NDRG1: variants seen among roughly 807,000 people sequenced by gnomAD.
NDRG1 encodes protein NDRG1.
A neutral mutation model predicts 56.9 loss-of-function variants in NDRG1; 32 were observed. The observed-to-expected ratio is 0.56, with a 90% confidence interval of 0.42 to 0.76. NDRG1 has a LOEUF of 0.76. Among genes scored for constraint, NDRG1 ranks in the 30% least tolerant of loss-of-function variants. NDRG1 has a pLI of 0.00. For missense variants in NDRG1, 507 were observed against 545.7 expected, an observed-to-expected ratio of 0.93 and a Z score of 0.71; for synonymous variants, 211 against 204.1, an observed-to-expected ratio of 1.03 and a Z score of -0.29.
At chr8:133,248,666 T>C (rs781085898) in intron 11 of NDRG1, 49 bp downstream of exon 11, 19 of 1,608,504 alleles carry the variant, frequency 1.2e-5, no homozygotes, top group Non-Finnish European at 3.4e-6. Context: ...GCCACCTTTA[T>C]AGTGGGCAGC....
chr8:133,272,816 T>C (rs748794772), intron 3 of NDRG1, among the ~76,000 whole-genome samples: 14 of 152,034 alleles, frequency 9.2e-5, no homozygotes. Flanking sequence ...TGGGAAATGG[T>C]GAGTTTAGGA....
intron 13 of NDRG1, 100 bp downstream of exon 13, chr8:133,246,516 T>C: frequency 8.5e-7 from 1 of 1,178,890 alleles, no homozygotes; most frequent in Non-Finnish European, 1.3e-6. Context: ...TAGTTTCTGA[T>C]CGTGTGCCTT....
At chr8:133,287,987 C>T (rs1480262392) in intron 1 of NDRG1, among the ~76,000 whole-genome samples, 1 of 151,970 alleles carries the variant, frequency 6.6e-6, no homozygotes, top group East Asian at 1.9e-4. Flanking sequence ...TCACACATTC[C>T]CTCACACTGA....
At position 133,238,691 on chromosome 8, in the gene NDRG1, C is replaced by T. The variant is rs1855198647; in HGVS notation, c.*187G>A. On this transcript the variant is annotated 3_prime_UTR_variant, in exon 16 of 16. Coordinates refer to ENST00000323851, the MANE Select transcript of NDRG1 (RefSeq NM_006096.4). ...GCTTCCTTCCTTTGGTCCACCGCCACCCCGCCTTTGGAGAGGGCACCCACG... is the reference window on the plus strand; with the variant it reads ...GCTTCCTTCCTTTGGTCCACCGCCATCCCGCCTTTGGAGAGGGCACCCACG... The T allele has an allele frequency of 4.3e-6, 3 of 702,800 alleles. No individual in the cohort carries two copies. The highest frequency in any genetic ancestry group is 6.9e-6 in the Non-Finnish European group (3 of 434,738). 43.5% of individuals were successfully genotyped at this position (702,800 alleles called of 1,614,324 possible). A position where few individuals can be genotyped will look rare whatever the true frequency, so the allele number is the denominator to read the frequency against.
intron 1 of NDRG1, among the ~76,000 whole-genome samples, chr8:133,296,225 G>C (rs1219186113): frequency 6.6e-6 from 1 of 151,912 alleles, no homozygotes. Flanking sequence ...GTGGAGGGCA[G>C]GAGCGGCCAG....
In NDRG1 at chr8:133,259,169, C is replaced by A; in HGVS notation, c.388G>T (p.Gly130Trp). The change falls in exon 6 of 16, where the codon GGG becomes TGG. Residue 130 changes from glycine (G) to tryptophan (W), a missense_variant and splice_region_variant. Coordinates refer to ENST00000323851, the MANE Select transcript of NDRG1 (RefSeq NM_006096.4). ...AAGGAGCTGATCCTTCGCTCTTACC[C>A]AAACTGTTGAAGGACTCCAGGAAGC... ...EMLPGVLQQFGLKSIIGMGTG... is the reference protein window; with the variant it reads ...EMLPGVLQQFWLKSIIGMGTG... The A allele has an allele frequency of 6.2e-7, 1 of 1,614,150 alleles. No individual in the cohort carries two copies. Among genetic ancestry groups the A allele is most frequent in the South Asian group, 1.1e-5 (1 of 91,088 alleles).
At chr8:133,277,701 A>G (rs1327804261) in intron 3 of NDRG1, among the ~76,000 whole-genome samples, 1 of 152,238 alleles carries the variant, frequency 6.6e-6, no homozygotes, top group African/African-American at 2.4e-5. Flanking sequence ...TGTTACGTGT[A>G]TGTTTCCACA....
Position 133,283,085 on chromosome 8 carries a change from C to A in NDRG1, c.63+1164G>T, listed in dbSNP as rs568817487. 3.9e-5 allele frequency among the ~76,000 whole-genome samples: 6 copies of A among 152,368 alleles called. No homozygotes were observed. In the East Asian group the frequency reaches 7.7e-4, roughly 20 times the overall value. On this transcript the variant is annotated intron_variant, in intron 2 of 15. Coordinates refer to ENST00000323851, the MANE Select transcript of NDRG1 (RefSeq NM_006096.4). Reference sequence around the variant, plus strand: ...GTCATAAGGAAATTAAATGAACAGTCTATTCACCAACGTCCGCTGGCCTGG... The same window carrying A: ...GTCATAAGGAAATTAAATGAACAGTATATTCACCAACGTCCGCTGGCCTGG...
At chr8:133,250,343 G>T in intron 10 of NDRG1, 97 bp downstream of exon 10, 1 of 1,134,968 alleles carries the variant, frequency 8.8e-7, no homozygotes, top group Non-Finnish European at 1.3e-6. Context: ...TGCCTCTTCC[G>T]CTCATTTTAT....
chr8:133,244,470 G>A, intron 13 of NDRG1, 80 bp from the exon 14 acceptor site: 1 of 1,525,044 alleles, frequency 6.6e-7, no homozygotes, highest in Non-Finnish European at 9.0e-7. Context: ...CCGAAAGGAT[G>A]CCCATCCGCC....
chr8:133,272,401 G>A (rs912642083), intron 3 of NDRG1, among the ~76,000 whole-genome samples: 4 of 152,160 alleles, frequency 2.6e-5, no homozygotes, highest in Admixed American at 1.3e-4. Flanking sequence ...TTTGCAATGT[G>A]CTCAGGGACA....
chr8:133,238,879 TAGCA>T lies in NDRG1; in HGVS notation c.1180_1183del (p.Cys394ArgfsTer82). 6.4e-7 allele frequency: 1 copy of T among 1,553,236 alleles called. No individual in the cohort carries two copies. The highest frequency in any genetic ancestry group is 8.7e-7 in the Non-Finnish European group (1 of 1,149,818). On this transcript the variant is annotated frameshift_variant and stop_lost, in exon 16 of 16. Transcript: ENST00000323851. LOFTEE classifies it high-confidence loss of function. ...GGGGGCGGCAGCTGGGCAGGCCGCC[TAGCA>T]GGAGACCTCCATGGACTTGGGCCCG...
intron 15 of NDRG1, chr8:133,241,189 A>C (rs918491005): frequency 6.6e-6 from 1 of 152,388 alleles, no homozygotes; most frequent in Non-Finnish European, 1.5e-5. Context: ...TTATAGTTCC[A>C]AGCAGTAGGG....
intron 10 of NDRG1, among the ~76,000 whole-genome samples, chr8:133,249,823 A>G (rs111508646): frequency 6.6e-6 from 1 of 152,182 alleles, no homozygotes; most frequent in Non-Finnish European, 1.5e-5. Flanking sequence ...AGAGATAAAC[A>G]CTATGAGGCT....
intron 2 of NDRG1, among the ~76,000 whole-genome samples, chr8:133,283,154 A>C (rs1750968730): frequency 6.6e-6 from 1 of 152,234 alleles, no homozygotes; most frequent in Non-Finnish European, 1.5e-5. Context: ...CAAAGAAGAC[A>C]AATTAACCTC....
chr8:133,238,407 C>G lies in NDRG1; in HGVS notation c.*471G>C, dbSNP rs1223958632. 2 of 247,304 alleles carry G rather than the reference C, an allele frequency of 8.1e-6. No homozygotes were observed. Among genetic ancestry groups the G allele is most frequent in the African/African-American group, 2.2e-5 (1 of 45,668 alleles). The allele number at this position is 247,304 out of a possible 1,614,324, so 15.3% of individuals were successfully genotyped here. ...GGTGCCTGCATGTCACTATTACCCC[C>G]CTCCCCAAATGAGAAAAGGATTTTG... is the stretch of plus-strand genomic sequence containing the variant. On this transcript the variant is annotated 3_prime_UTR_variant, in exon 16 of 16. Transcript: ENST00000323851.
chr8:133,241,925 G>T, intron 15 of NDRG1, 98 bp downstream of exon 15: 1 of 1,401,258 alleles, frequency 7.1e-7, no homozygotes, highest in Non-Finnish European at 1.0e-6. Context: ...GCTGGCCAGG[G>T]GGACACAGAA....
At position 133,264,656 on chromosome 8, in the gene NDRG1, A is replaced by G; in HGVS notation, c.100-4T>C. On this transcript the variant is annotated splice_polypyrimidine_tract_variant and splice_region_variant and intron_variant, in intron 3 of 15. Coordinates refer to ENST00000323851, the MANE Select transcript of NDRG1 (RefSeq NM_006096.4). ...GTAAAGTCTCGATGTCCTGCTCCTG[A>G]GGAGACACAGCAGACAGTGGGCTGG... 6.2e-7 allele frequency: 1 copy of G among 1,613,576 alleles called. No homozygotes were observed. Among genetic ancestry groups the G allele is most frequent in the Non-Finnish European group, 8.5e-7 (1 of 1,179,452 alleles).
rs549989571 is a variant in NDRG1, at chr8:133,239,490, G to A, written c.944-371C>T. 217 of 393,938 alleles carry A rather than the reference G, an allele frequency of 5.5e-4. 1 individual carries two copies. Among genetic ancestry groups the A allele is most frequent in the African/African-American group, 3.8e-3 (189 of 49,396 alleles). The allele number at this position is 393,938 out of a possible 1,614,324, so 24.4% of individuals were successfully genotyped here. ...CCCTGGTATCAGCACCTGTGTGTAC[G>A]CCCATGACCCCATGCTGTCCATGAT... On this transcript the variant is annotated intron_variant, in intron 15 of 15. Coordinates refer to ENST00000323851, the MANE Select transcript of NDRG1 (RefSeq NM_006096.4).
Sources: allele counts gnomAD v4.1 joint callset (sites outside exome capture counted in the v4.1 genomes callset), GRCh38; gene constraint gnomAD v4.1.1; transcripts MANE v1.5; gene names NCBI Gene and HGNC (gene_info 2026-07-23, HGNC 2026-07-21).